DAPK1: variants seen among roughly 807,000 people sequenced by gnomAD.
DAPK1 encodes the protein death-associated protein kinase 1.
Under a neutral mutation model 144.9 loss-of-function variants are expected in DAPK1, and 56 were observed. The observed-to-expected ratio is 0.39, with a 90% CI of 0.31 to 0.48. DAPK1 has a LOEUF of 0.48. DAPK1 is among the 20% of genes least tolerant of loss of function. The pLI is 0.95. For synonymous variants in DAPK1, 690 were observed against 749.0 expected (o/e 0.92, Z 1.29); for missense variants, 1,454 against 1,875.4 (o/e 0.78, Z 4.15).
At chr9:87,621,530 G>A (rs746340068) in intron 3 of DAPK1, among the ~76,000 whole-genome samples, 1 of 152,146 alleles carries the variant, frequency 6.6e-6, no homozygotes, top group Non-Finnish European at 1.5e-5. Context: ...CGTCTTCCTT[G>A]TGTGTATCAC....
At chr9:87,553,122 A>G (rs1416943245) in intron 2 of DAPK1, among the ~76,000 whole-genome samples, 2 of 152,148 alleles carry the variant, frequency 1.3e-5, no homozygotes, top group East Asian at 3.9e-4. Context: ...TTGAGAAGAC[A>G]CATTGTTCTG....
chr9:87,504,396 A>G (rs1007695528), intron 2 of DAPK1, among the ~76,000 whole-genome samples: 1 of 152,196 alleles, frequency 6.6e-6, no homozygotes, highest in Admixed American at 6.5e-5. Context: ...GCTTGCTGGC[A>G]CTGGGAGTGT....
intron 2 of DAPK1, among the ~76,000 whole-genome samples, chr9:87,596,421 C>A (rs1302310022): frequency 6.6e-6 from 1 of 152,186 alleles, no homozygotes. Context: ...CAGCAATAAG[C>A]CCTGCCCAGC....
At chr9:87,565,226 A>G (rs1302924749) in intron 2 of DAPK1, among the ~76,000 whole-genome samples, 1 of 148,278 alleles carries the variant, frequency 6.7e-6, no homozygotes, top group African/African-American at 2.6e-5. Context: ...TGAGAGCATG[A>G]AAAACGAGTG....
intron 2 of DAPK1, among the ~76,000 whole-genome samples, chr9:87,583,376 A>T (rs898324593): frequency 6.6e-5 from 10 of 152,198 alleles, no homozygotes; most frequent in African/African-American, 2.2e-4. Context: ...TAAACTTGCC[A>T]CTAGGCAGGA....
At chr9:87,635,726 A>G (rs985674786) in intron 3 of DAPK1, among the ~76,000 whole-genome samples, 1 of 152,094 alleles carries the variant, frequency 6.6e-6, no homozygotes, top group African/African-American at 2.4e-5. Context: ...CCTTCAAGGG[A>G]AGAGGTCTTA....
chr9:87,602,721 C>T (rs939374150), intron 2 of DAPK1, among the ~76,000 whole-genome samples: 2 of 152,050 alleles, frequency 1.3e-5, no homozygotes, highest in Admixed American at 1.3e-4. Flanking sequence ...GCAAGCTCCA[C>T]CTCCCAGGTT....
intron 21 of DAPK1, among the ~76,000 whole-genome samples, chr9:87,694,218 A>C (rs1360179346): frequency 6.6e-6 from 1 of 151,946 alleles, no homozygotes; most frequent in East Asian, 1.9e-4. Context: ...GCAATGGGCT[A>C]GGCAGGCCAG....
rs544597979 is a variant in DAPK1 at position 87,673,006 on chromosome 9, C to T, written c.2001+4332C>T. ...ATTCACCCTGCAGAGCATCTTAGGACCATTTTCCTTTCCATGTCATTTCTC... is the reference window on the plus strand; with the variant it reads ...ATTCACCCTGCAGAGCATCTTAGGATCATTTTCCTTTCCATGTCATTTCTC... On this transcript the variant is annotated intron_variant, in intron 19 of 25. Transcript: ENST00000408954. Among the ~76,000 whole-genome samples, 5 of 152,222 alleles carry T rather than the reference C, an allele frequency of 3.3e-5. No homozygotes were observed. The East Asian group carries it at 9.7e-4, about 29-fold the overall frequency.
intron 3 of DAPK1, among the ~76,000 whole-genome samples, chr9:87,633,884 T>G (rs531355358): frequency 6.6e-6 from 1 of 152,084 alleles, no homozygotes; most frequent in Non-Finnish European, 1.5e-5. Flanking sequence ...AGAGTGTGCA[T>G]GGTGTTTATT....
chr9:87,502,224 G>A (rs1300136656), intron 2 of DAPK1, among the ~76,000 whole-genome samples: 3 of 152,108 alleles, frequency 2.0e-5, no homozygotes, highest in South Asian at 2.1e-4. Flanking sequence ...GAATAATGCA[G>A]CCCTGGCCTT....
intron 20 of DAPK1, among the ~76,000 whole-genome samples, chr9:87,683,619 G>C (rs775307429): frequency 1.3e-5 from 2 of 152,188 alleles, no homozygotes; most frequent in Non-Finnish European, 2.9e-5. Context: ...GGAGTCACCT[G>C]TGGCTCTGCC....
At position 87,611,523 on chromosome 9, in the gene DAPK1, A is replaced by G. The variant is rs192385251; in HGVS notation, c.284+6348A>G. Among the ~76,000 whole-genome samples, 8 of 152,250 alleles carry G rather than the reference A, an allele frequency of 5.3e-5. No homozygotes were observed. In the East Asian group the frequency reaches 1.4e-3, roughly 26 times the overall value. On this transcript the variant is annotated intron_variant, in intron 3 of 25. Coordinates refer to ENST00000408954, the MANE Select transcript of DAPK1 (RefSeq NM_004938.4). ...ACCCAGGCTGGAATGCAGTGGTGCA[A>G]TCATAGCTCACTGCAGCCTTGAACT...
At chr9:87,601,637 C>T (rs886415526) in intron 2 of DAPK1, among the ~76,000 whole-genome samples, 1 of 151,860 alleles carries the variant, frequency 6.6e-6, no homozygotes, top group Non-Finnish European at 1.5e-5. Context: ...CTCCAGTTGT[C>T]GCAGATTAAT....
chr9:87,511,041 A>C (rs1181976278), intron 2 of DAPK1, among the ~76,000 whole-genome samples: 1 of 152,096 alleles, frequency 6.6e-6, no homozygotes, highest in Non-Finnish European at 1.5e-5. Context: ...CCCGGGTCCT[A>C]CCTCTTCATT....
chr9:87,590,181 A>G (rs1412798562), intron 2 of DAPK1, among the ~76,000 whole-genome samples: 2 of 152,090 alleles, frequency 1.3e-5, no homozygotes, highest in South Asian at 2.1e-4. Context: ...GTATTTGCCT[A>G]TGATTGCCAG....
chr9:87,580,408 G>A (rs182923239), intron 2 of DAPK1, among the ~76,000 whole-genome samples: 3 of 152,244 alleles, frequency 2.0e-5, no homozygotes, highest in South Asian at 4.1e-4. Flanking sequence ...GATGGCAACT[G>A]GAAACCTACA....
intron 2 of DAPK1, among the ~76,000 whole-genome samples, chr9:87,565,501 G>A (rs1827088151): frequency 6.6e-6 from 1 of 152,158 alleles, no homozygotes; most frequent in Non-Finnish European, 1.5e-5. Flanking sequence ...ATTGCAGCAG[G>A]CTAATAGGAG....
At chr9:87,519,314 A>G (rs532476275) in intron 2 of DAPK1, among the ~76,000 whole-genome samples, 3 of 152,354 alleles carry the variant, frequency 2.0e-5, no homozygotes. Flanking sequence ...GCCCATGCCA[A>G]GTACTCTGGA....
Sources: gnomAD v4.1 joint callset for allele counts (sites outside exome capture counted in the v4.1 genomes callset) on GRCh38, gnomAD v4.1.1 for gene constraint, MANE v1.5 for transcripts, NCBI Gene and HGNC (gene_info 2026-07-23, HGNC 2026-07-21) for gene names.